Variants in UNC13C observed in about 807,000 individuals in gnomAD.
UNC13C encodes the protein unc-13 homolog C.
Under a neutral mutation model 245.4 loss-of-function variants are expected in UNC13C, and 174 were observed. That is an observed-to-expected ratio of 0.71 (90% CI 0.63 to 0.80). The LOEUF (loss-of-function observed/expected upper bound fraction) is 0.80, where lower values mean the gene tolerates loss of function less well. Among genes scored for constraint, UNC13C ranks in the 30% least tolerant of loss-of-function variants. The pLI, the probability that UNC13C is intolerant of heterozygous loss-of-function variation, is 0.00. For missense variants in UNC13C, 2,829 were observed against 2,602.9 expected (o/e 1.09, Z -1.89); for synonymous variants, 992 against 895.1 (o/e 1.11, Z -1.93).
chr15:54,087,634 A>C (rs965942191), intron 2 of UNC13C, among the ~76,000 whole-genome samples: 6 of 152,186 alleles, frequency 3.9e-5, no homozygotes, highest in African/African-American at 1.4e-4. Flanking sequence ...CCACAGGTAG[A>C]TCTCCTATGC....
At chr15:54,440,621 G>T (rs1053293311) in intron 19 of UNC13C, among the ~76,000 whole-genome samples, 1 of 151,920 alleles carries the variant, frequency 6.6e-6, no homozygotes, top group African/African-American at 2.4e-5. Flanking sequence ...AAAAGATGGG[G>T]CTGTAGATAT....
chr15:53,887,877 A>T, the UNC13C span, among the ~76,000 whole-genome samples: 1 of 152,220 alleles, frequency 6.6e-6, no homozygotes, highest in Non-Finnish European at 1.5e-5. Context: ...TGCAAAGGAC[A>T]TGAACTCATC....
intron 4 of UNC13C, among the ~76,000 whole-genome samples, chr15:54,153,084 T>C (rs2032594794): frequency 8.3e-5 from 12 of 145,012 alleles, no homozygotes; most frequent in Admixed American, 8.0e-4. Context: ...ATTACTCACT[T>C]CTTATTTAAA....
chr15:54,154,630 A>G (rs1028061968), intron 4 of UNC13C, among the ~76,000 whole-genome samples: 1 of 152,190 alleles, frequency 6.6e-6, no homozygotes, highest in East Asian at 1.9e-4. Context: ...ATTTCTCAGA[A>G]TTTAAGCATG....
intron 4 of UNC13C, among the ~76,000 whole-genome samples, chr15:54,167,036 A>C (rs2033185535): frequency 6.6e-6 from 1 of 152,236 alleles, no homozygotes; most frequent in Non-Finnish European, 1.5e-5. Context: ...ATCTTTAGAA[A>C]GATGAACAAA....
At chr15:54,554,313 C>G (rs1897003598) in intron 28 of UNC13C, among the ~76,000 whole-genome samples, 1 of 151,880 alleles carries the variant, frequency 6.6e-6, no homozygotes, top group Non-Finnish European at 1.5e-5. Context: ...GAAGGACAAG[C>G]CACTGGGTGT....
intron 1 of UNC13C, among the ~76,000 whole-genome samples, chr15:53,997,999 C>T (rs570763549): frequency 7.9e-5 from 12 of 151,896 alleles, no homozygotes; most frequent in African/African-American, 2.9e-4. Context: ...GACAAGGTTT[C>T]GTCATGTTGC....
At chr15:53,941,263 A>T in the UNC13C span, among the ~76,000 whole-genome samples, 1 of 152,210 alleles carries the variant, frequency 6.6e-6, no homozygotes, top group Non-Finnish European at 1.5e-5. Flanking sequence ...GAAGATTGAA[A>T]CTGGACTCCC....
At chr15:53,869,802 A>G in the UNC13C span, among the ~76,000 whole-genome samples, 2 of 152,194 alleles carry the variant, frequency 1.3e-5, no homozygotes, top group Non-Finnish European at 2.9e-5. Flanking sequence ...ACACCACTAG[A>G]GGGTAATTGA....
At chr15:54,131,665 G>A (rs900957788) in intron 2 of UNC13C, among the ~76,000 whole-genome samples, 1 of 152,118 alleles carries the variant, frequency 6.6e-6, no homozygotes, top group African/African-American at 2.4e-5. Context: ...AGCATGTTTA[G>A]AGTTTGGTGC....
At chr15:54,180,305 T>C (rs2033755263) in intron 4 of UNC13C, among the ~76,000 whole-genome samples, 1 of 152,106 alleles carries the variant, frequency 6.6e-6, no homozygotes, top group African/African-American at 2.4e-5. Flanking sequence ...GGCCTCCAGC[T>C]GCATCCATGC....
At chr15:53,861,989 T>C in the UNC13C span, among the ~76,000 whole-genome samples, 1 of 152,232 alleles carries the variant, frequency 6.6e-6, no homozygotes, top group Admixed American at 6.6e-5. Context: ...ATCTCGGCTG[T>C]GAAATGACAC....
At position 54,312,117 on chromosome 15, in the gene UNC13C, A is replaced by G. The variant is rs558897858; in HGVS notation, c.4269-9822A>G. 1.6e-4 allele frequency among the ~76,000 whole-genome samples: 24 copies of G among 151,950 alleles called. No individual in the cohort carries two copies. The East Asian group carries it at 4.7e-3, about 30-fold the overall frequency. On this transcript the variant is annotated intron_variant, in intron 13 of 32. Transcript: ENST00000260323. ...TTAAATAACAAAAATGTATAACGCC[A>G]ACCAGAGATAACACTATGATCATAT...
At position 54,591,582 on chromosome 15, in the gene UNC13C, G is replaced by T. The variant is rs577718770; in HGVS notation, c.6106+23635G>T. On this transcript the variant is annotated intron_variant, in intron 30 of 32. Transcript: ENST00000260323. ...TTTTCTAGTTTATGTACATAAAGTT[G>T]TTCATAGTAGCCTTGAATGATCTTT... 2.6e-5 allele frequency among the ~76,000 whole-genome samples: 4 copies of T among 152,174 alleles called. No individual in the cohort carries two copies. In the South Asian group the frequency reaches 8.3e-4, roughly 32 times the overall value.
intron 4 of UNC13C, among the ~76,000 whole-genome samples, chr15:54,220,361 G>C (rs8036786): frequency 0.25 from 35,876 of 142,650 alleles, 6,531 homozygotes; most frequent in African/African-American, 0.5. Flanking sequence ...GAACCAAACA[G>C]CGCATGTTCT....
At chr15:54,005,854 A>T (rs758385617) in intron 1 of UNC13C, among the ~76,000 whole-genome samples, 37 of 152,174 alleles carry the variant, frequency 2.4e-4, no homozygotes, top group Admixed American at 2.4e-3. Context: ...GTATACAATC[A>T]TTCATCGGGA....
At chr15:54,543,143 T>C (rs1896323674) in intron 26 of UNC13C, among the ~76,000 whole-genome samples, 1 of 152,162 alleles carries the variant, frequency 6.6e-6, no homozygotes, top group Admixed American at 6.6e-5. Context: ...ATACCAGGTT[T>C]TCCTTTCCAC....
chr15:54,569,550 G>A (rs1284675177), intron 30 of UNC13C, among the ~76,000 whole-genome samples: 1 of 151,902 alleles, frequency 6.6e-6, no homozygotes, highest in Non-Finnish European at 1.5e-5. Context: ...GGATATCAAG[G>A]GCCGACTGTG....
intron 28 of UNC13C, among the ~76,000 whole-genome samples, chr15:54,551,660 C>G (rs2141185085): frequency 6.6e-6 from 1 of 152,130 alleles, no homozygotes; most frequent in South Asian, 2.1e-4. Flanking sequence ...AGGATTATTT[C>G]AACAACACTG....
Sources: allele counts gnomAD v4.1 joint callset (sites outside exome capture counted in the v4.1 genomes callset), GRCh38; gene constraint gnomAD v4.1.1; transcripts MANE v1.5; gene names NCBI Gene and HGNC (gene_info 2026-07-23, HGNC 2026-07-21).